Variants in TRAPPC9 observed in about 807,000 individuals in gnomAD.
The protein encoded by TRAPPC9 is trafficking protein particle complex subunit 9.
A neutral mutation model predicts 124.0 loss-of-function variants in TRAPPC9; 83 were observed. That is an observed-to-expected ratio of 0.67 (90% CI 0.56 to 0.80). TRAPPC9 has a LOEUF of 0.80. TRAPPC9 is among the 30% of genes least tolerant of loss of function. The pLI is 0.00. For synonymous variants in TRAPPC9, 638 were observed against 617.5 expected, an observed-to-expected ratio of 1.03 and a Z score of -0.49; for missense variants, 1,302 against 1,508.3, an observed-to-expected ratio of 0.86 and a Z score of 2.27.
intron 21 of TRAPPC9, among the ~76,000 whole-genome samples, chr8:139,766,988 G>A (rs899001857): frequency 3.3e-5 from 5 of 152,170 alleles, no homozygotes; most frequent in Non-Finnish European, 4.4e-5. Flanking sequence ...CCTGGAGTGC[G>A]GCCCTGGCAC....
At chr8:140,434,000 T>G (rs1404889930) in intron 4 of TRAPPC9, among the ~76,000 whole-genome samples, 13 of 152,228 alleles carry the variant, frequency 8.5e-5, no homozygotes, top group East Asian at 1.9e-4. Flanking sequence ...ACTTTTCATT[T>G]GCATAGAAGC....
rs1586936884 is a variant in TRAPPC9 at position 139,829,896 on chromosome 8, T to C, written c.3055+55983A>G. On this transcript the variant is annotated intron_variant, in intron 21 of 22. Transcript: ENST00000438773. ...TCACACGCCTAGTGAGTGACAGCGC[T>C]GGGGCTGGAATCCAGCCACATGTGT... Among the ~76,000 whole-genome samples, 5 of 152,312 alleles carry C rather than the reference T, an allele frequency of 3.3e-5. No individual in the cohort carries two copies. The South Asian group carries it at 1.0e-3, about 32-fold the overall frequency.
chr8:140,105,365 C>G (rs2060645267), intron 17 of TRAPPC9, among the ~76,000 whole-genome samples: 1 of 152,224 alleles, frequency 6.6e-6, no homozygotes, highest in Non-Finnish European at 1.5e-5. Flanking sequence ...TCTGTCTCCC[C>G]CTGGTTATCC....
chr8:140,061,287 AAGGC>A (rs1842594750), intron 17 of TRAPPC9, among the ~76,000 whole-genome samples: 1 of 49,574 alleles, frequency 2.0e-5, no homozygotes, highest in Non-Finnish European at 7.6e-5. Flanking sequence ...TGCCATTCCC[AAGGC>A]TGCCCGGCAG....
Position 139,784,625 on chromosome 8 carries a change from A to AAAAATGTATATGTATATG in TRAPPC9, c.3056-52424_3056-52423insCATATACATATACATTTT, listed in dbSNP as rs1554643627. Among the ~76,000 whole-genome samples the AAAAATGTATATGTATATG allele has an allele frequency of 3.0e-4, 43 of 142,060 alleles. 1 individual carries two copies. The highest frequency in any genetic ancestry group is 5.3e-4 in the Non-Finnish European group (34 of 64,694). 93.2% of individuals were successfully genotyped at this position (142,060 alleles called of 152,430 possible). On this transcript the variant is annotated intron_variant, in intron 21 of 22. Transcript: ENST00000438773. Reference sequence around the variant, plus strand: ...AAGACTGACATATATATATATATATATATATATATATATATATATAAATCA... The same window carrying AAAAATGTATATGTATATG: ...AAGACTGACATATATATATATATATAAAAATGTATATGTATATGTATATATATATATATATATAAATCA...
At chr8:139,935,408 G>GA (rs1345091485) in intron 19 of TRAPPC9, among the ~76,000 whole-genome samples, 1 of 152,090 alleles carries the variant, frequency 6.6e-6, no homozygotes. Flanking sequence ...TATAAAATAA[G>GA]AAAAAACGTC....
At chr8:140,254,130 G>A (rs2064193025) in intron 15 of TRAPPC9, among the ~76,000 whole-genome samples, 1 of 152,134 alleles carries the variant, frequency 6.6e-6, no homozygotes, top group African/African-American at 2.4e-5. Flanking sequence ...ATGCTGCCTT[G>A]ACATCCGGCA....
At chr8:140,443,206 C>T (rs560379091) in intron 2 of TRAPPC9, among the ~76,000 whole-genome samples, 42 of 144,732 alleles carry the variant, frequency 2.9e-4, no homozygotes, top group South Asian at 1.1e-3. Context: ...GAGGCCAAGG[C>T]GGGCAGATCA....
chr8:140,272,370 G>GTGTGGTGGTTGTGGTGT, intron 15 of TRAPPC9, among the ~76,000 whole-genome samples: 1 of 81,502 alleles, frequency 1.2e-5, no homozygotes, highest in South Asian at 3.3e-4. Context: ...GTGGTAGTGA[G>GTGTGGTGGTTGTGGTGT]GGTGGTGGTG....
At chr8:139,860,777 G>T (rs1170012215) in intron 21 of TRAPPC9, among the ~76,000 whole-genome samples, 1 of 152,256 alleles carries the variant, frequency 6.6e-6, no homozygotes, top group African/African-American at 2.4e-5. Flanking sequence ...GCCCTCACAT[G>T]GAGGGCAGCC....
chr8:139,732,254 C>A (rs768440668), intron 21 of TRAPPC9, 52 bp from the exon 22 acceptor site: 3 of 1,476,130 alleles, frequency 2.0e-6, no homozygotes, highest in African/African-American at 2.8e-5. Flanking sequence ...ACGGCCCAGC[C>A]GGCCTACCCC....
chr8:139,920,579 G>A (rs1047056351), intron 19 of TRAPPC9, among the ~76,000 whole-genome samples: 5 of 152,172 alleles, frequency 3.3e-5, no homozygotes, highest in Non-Finnish European at 5.9e-5. Flanking sequence ...ACACAGCTGG[G>A]GCTCCAACAG....
chr8:139,854,153 T>C (rs1443686801), intron 21 of TRAPPC9, among the ~76,000 whole-genome samples: 2 of 152,146 alleles, frequency 1.3e-5, no homozygotes, highest in Non-Finnish European at 2.9e-5. Flanking sequence ...TATCGGACCC[T>C]GGGAGGGATT....
intron 21 of TRAPPC9, among the ~76,000 whole-genome samples, chr8:139,757,674 C>A (rs940230681): frequency 1.3e-5 from 2 of 152,072 alleles, no homozygotes; most frequent in Non-Finnish European, 2.9e-5. Flanking sequence ...TCCCCCCAGC[C>A]CAGGCATCAT....
chr8:139,978,338 A>G (rs1836626427), intron 19 of TRAPPC9, among the ~76,000 whole-genome samples: 1 of 152,256 alleles, frequency 6.6e-6, no homozygotes, highest in Non-Finnish European at 1.5e-5. Context: ...TCTGATGCAA[A>G]CCAATGTTAG....
Position 139,949,427 on chromosome 8 carries a change from T to C in TRAPPC9, c.2811-39127A>G, listed in dbSNP as rs530393039. On this transcript the variant is annotated intron_variant, in intron 19 of 22. Coordinates refer to ENST00000438773, the MANE Select transcript of TRAPPC9 (RefSeq NM_001160372.4). ...TCCGTGGGCAATGAGAACATTTCCA[T>C]ATAAAAACGCACACAAGAGCACACA... Among the ~76,000 whole-genome samples the C allele has an allele frequency of 3.3e-5, 5 of 152,272 alleles. No homozygotes were observed. The South Asian group carries it at 1.0e-3, about 32-fold the overall frequency.
chr8:140,301,281 G>C (rs182452570), intron 10 of TRAPPC9, among the ~76,000 whole-genome samples: 6 of 152,198 alleles, frequency 3.9e-5, no homozygotes, highest in Non-Finnish European at 8.8e-5. Flanking sequence ...ACTCATGCTC[G>C]AATTCATCCA....
chr8:139,743,747 T>TG (rs1818708577), intron 21 of TRAPPC9, among the ~76,000 whole-genome samples: 1 of 152,066 alleles, frequency 6.6e-6, no homozygotes, highest in Non-Finnish European at 1.5e-5. Context: ...TCCTGTGGGG[T>TG]GGGGGGCAGG....
chr8:140,154,448 C>T (rs1225690957), intron 17 of TRAPPC9, among the ~76,000 whole-genome samples: 1 of 152,164 alleles, frequency 6.6e-6, no homozygotes, highest in East Asian at 1.9e-4. Flanking sequence ...TGCTCCTCCT[C>T]AAGCGCAGTC....
Sources: gnomAD v4.1 joint callset for allele counts (sites outside exome capture counted in the v4.1 genomes callset) on GRCh38, gnomAD v4.1.1 for gene constraint, MANE v1.5 for transcripts, NCBI Gene and HGNC (gene_info 2026-07-23, HGNC 2026-07-21) for gene names.